The following NDST4 variants were observed in gnomAD, a reference collection of about 807,000 sequenced individuals.
NDST4 encodes the protein N-heparan sulfate sulfotransferase 4.
In NDST4, 63 loss-of-function variants were observed where a neutral mutation model predicts 100.8. That is an observed-to-expected ratio of 0.62 (90% confidence interval 0.51 to 0.77). The LOEUF (loss-of-function observed/expected upper bound fraction) is 0.77. Among genes scored for constraint, NDST4 ranks in the 30% least tolerant of loss-of-function variants. The probability of loss-of-function intolerance (pLI) is 0.00; values close to 1 mark genes in which losing one functional copy is unlikely to be tolerated. For synonymous variants in NDST4, 377 were observed against 361.8 expected (o/e 1.04, Z -0.48); for missense variants, 943 against 1,018.4 (o/e 0.93, Z 1.01).
At chr4:115,050,043 T>TA (rs1056655165) in intron 2 of NDST4, among the ~76,000 whole-genome samples, 5 of 152,112 alleles carry the variant, frequency 3.3e-5, no homozygotes, top group Non-Finnish European at 5.9e-5. Context: ...CTTGCCTTTT[T>TA]AAAAAATCTC....
chr4:114,922,112 T>C (rs1202402885), intron 6 of NDST4, among the ~76,000 whole-genome samples: 6 of 152,036 alleles, frequency 3.9e-5, no homozygotes, highest in African/African-American at 1.2e-4. Context: ...TTGTTAACTG[T>C]CTCTCTAAAA....
chr4:114,946,827 A>G (rs1211675632), intron 4 of NDST4, among the ~76,000 whole-genome samples: 1 of 152,210 alleles, frequency 6.6e-6, no homozygotes, highest in African/African-American at 2.4e-5. Flanking sequence ...TTACATAAAA[A>G]CATTGTTATG....
chr4:114,993,616 AT>A (rs1440282425), intron 2 of NDST4, among the ~76,000 whole-genome samples: 3 of 152,116 alleles, frequency 2.0e-5, no homozygotes, highest in Admixed American at 6.6e-5. Context: ...ATACTTAAAA[AT>A]ATCTTAGCCT....
chr4:114,968,064 T>A (rs1489196192), intron 4 of NDST4, among the ~76,000 whole-genome samples: 1 of 152,180 alleles, frequency 6.6e-6, no homozygotes, highest in African/African-American at 2.4e-5. Flanking sequence ...ATCTGGTGCC[T>A]GAGTCCTTGA....
At chr4:115,084,235 A>T (rs2126292443) in intron 1 of NDST4, among the ~76,000 whole-genome samples, 1 of 152,318 alleles carries the variant, frequency 6.6e-6, no homozygotes, top group Middle Eastern at 3.4e-3. Context: ...GCCCTGCCCT[A>T]GAGAGCTGTG....
At chr4:115,097,735 C>T (rs531399135) in intron 1 of NDST4, among the ~76,000 whole-genome samples, 3 of 152,256 alleles carry the variant, frequency 2.0e-5, no homozygotes, top group East Asian at 3.9e-4. Context: ...CTCCCCACCA[C>T]CAAAATCGGC....
intron 6 of NDST4, among the ~76,000 whole-genome samples, chr4:114,888,488 T>C (rs1724526091): frequency 1.3e-5 from 2 of 152,178 alleles, no homozygotes; most frequent in South Asian, 4.1e-4. Context: ...AAAGTAGCTC[T>C]TATATGCTAG....
intron 2 of NDST4, among the ~76,000 whole-genome samples, chr4:115,013,055 G>A (rs1044644864): frequency 1.3e-5 from 2 of 149,896 alleles, no homozygotes; most frequent in Middle Eastern, 3.2e-3. Flanking sequence ...CCAGGTGTTA[G>A]GAGGGGGTAC....
chr4:115,105,460 C>T (rs1218009041), intron 1 of NDST4, among the ~76,000 whole-genome samples: 9 of 151,952 alleles, frequency 5.9e-5, no homozygotes, highest in African/African-American at 1.7e-4. Flanking sequence ...AGGGCATATC[C>T]TGAGTAATTT....
intron 2 of NDST4, among the ~76,000 whole-genome samples, chr4:115,045,212 T>C (rs1728439367): frequency 1.3e-5 from 2 of 151,990 alleles, no homozygotes. Flanking sequence ...AAAGAGGAAA[T>C]TTGTCTATGG....
intron 9 of NDST4, among the ~76,000 whole-genome samples, chr4:114,846,314 G>C (rs915524261): frequency 5.9e-5 from 9 of 152,132 alleles, no homozygotes; most frequent in African/African-American, 1.7e-4. Flanking sequence ...CTATTTGCCT[G>C]TGGCAAATAG....
intron 11 of NDST4, among the ~76,000 whole-genome samples, chr4:114,833,978 A>G (rs1723257125): frequency 6.6e-6 from 1 of 152,162 alleles, no homozygotes; most frequent in Non-Finnish European, 1.5e-5. Flanking sequence ...AAACATAGAC[A>G]CTTTCTTGAT....
intron 6 of NDST4, among the ~76,000 whole-genome samples, chr4:114,897,946 A>G (rs1724751586): frequency 1.3e-5 from 2 of 152,060 alleles, no homozygotes. Context: ...AATCTTTGTA[A>G]TAGGTAACAG....
At chr4:114,988,962 C>A (rs1726976547) in intron 2 of NDST4, among the ~76,000 whole-genome samples, 1 of 152,056 alleles carries the variant, frequency 6.6e-6, no homozygotes, top group South Asian at 2.1e-4. Context: ...CTTTACTTGG[C>A]AGATAAATCT....
chr4:115,023,244 G>C (rs1006246211), intron 2 of NDST4, among the ~76,000 whole-genome samples: 32 of 152,250 alleles, frequency 2.1e-4, no homozygotes, highest in Non-Finnish European at 4.6e-4. Flanking sequence ...CCAGCACTTT[G>C]GGAGGCCAAG....
intron 2 of NDST4, among the ~76,000 whole-genome samples, chr4:114,981,216 T>TGGAAGGAAGGAAGGAA (rs61595600): frequency 2.2e-5 from 3 of 137,044 alleles, no homozygotes; most frequent in African/African-American, 8.1e-5. Context: ...GAAGAAAGGA[T>TGGAAGGAAGGAAGGAA]GGAAGGAAGG....
chr4:115,047,225 AC>A (rs1440586334), intron 2 of NDST4, among the ~76,000 whole-genome samples: 2 of 152,142 alleles, frequency 1.3e-5, no homozygotes, highest in Non-Finnish European at 2.9e-5. Flanking sequence ...AAACCTATTA[AC>A]AAAAATAAAA....
intron 6 of NDST4, among the ~76,000 whole-genome samples, chr4:114,887,076 A>G (rs1210362477): frequency 6.6e-6 from 1 of 152,216 alleles, no homozygotes; most frequent in East Asian, 1.9e-4. Context: ...CATTGTGAAA[A>G]CAACAATGCA....
Position 114,986,832 on chromosome 4 carries a change from A to ATATATATATATATATATT in NDST4, c.979-9559_979-9558insAATATATATATATATATA. The stretch of plus-strand genomic sequence containing the variant: ...TATATATATATATATATATATATAT[A>ATATATATATATATATATT]TTTTAATATACTATTCCTATAAGCT... On this transcript the variant is annotated intron_variant, in intron 2 of 13. Transcript: ENST00000264363. Among the ~76,000 whole-genome samples, 479 of 94,498 alleles carry ATATATATATATATATATT rather than the reference A, an allele frequency of 5.1e-3. 20 individuals carry two copies. Among genetic ancestry groups the ATATATATATATATATATT allele is most frequent in the East Asian group, 7.9e-3 (22 of 2,780 alleles). 62.0% of individuals were successfully genotyped at this position (94,498 alleles called of 152,430 possible). A position where few individuals can be genotyped will look rare whatever the true frequency, so the allele number is the denominator to read the frequency against.
Sources: allele counts gnomAD v4.1 joint callset (sites outside exome capture counted in the v4.1 genomes callset), GRCh38; gene constraint gnomAD v4.1.1; transcripts MANE v1.5; gene names NCBI Gene and HGNC (gene_info 2026-07-23, HGNC 2026-07-21).